The following DEPDC4 variants were observed in gnomAD, a reference collection of about 807,000 sequenced individuals.
DEPDC4 encodes the protein DEP domain-containing protein 4.
Under a neutral mutation model 52.0 loss-of-function variants are expected in DEPDC4, and 52 were observed. That is an observed-to-expected ratio of 1.00 (90% confidence interval 0.80 to 1.26). DEPDC4 has a LOEUF of 1.26. Among genes scored for constraint, DEPDC4 ranks in the 50% most tolerant of loss-of-function variants. DEPDC4 has a pLI of 0.00. For synonymous variants in DEPDC4, 201 were observed against 196.8 expected, an observed-to-expected ratio of 1.02 and a Z score of -0.18; for missense variants, 530 against 546.9, an observed-to-expected ratio of 0.97 and a Z score of 0.31.
chr12:100,253,790 A>C, intron 4 of DEPDC4, 75 bp from the exon 5 acceptor site: 1 of 837,332 alleles, frequency 1.2e-6, no homozygotes, highest in South Asian at 1.7e-5. Flanking sequence ...TTGATAAAAC[A>C]TGAAAAAATC....
the DEPDC4 span, among the ~76,000 whole-genome samples, chr12:100,277,523 C>G: frequency 1.3e-5 from 2 of 152,162 alleles, no homozygotes; most frequent in African/African-American, 4.8e-5. Flanking sequence ...TCTTTGTCTT[C>G]AAGCTTATTC....
intron 5 of DEPDC4, 116 bp downstream of exon 5, chr12:100,253,373 A>G (rs2096217029): frequency 2.6e-6 from 1 of 383,556 alleles, no homozygotes; most frequent in African/African-American, 2.1e-5. Flanking sequence ...TTGACATCAT[A>G]GAAGAAAAAT....
At chr12:100,258,499 T>C (rs1411706298) in intron 3 of DEPDC4, among the ~76,000 whole-genome samples, 1 of 152,196 alleles carries the variant, frequency 6.6e-6, no homozygotes, top group Admixed American at 6.5e-5. Flanking sequence ...CCTTAAAGTA[T>C]ATTACTTTAG....
intron 2 of DEPDC4, 137 bp downstream of exon 2, chr12:100,263,360 A>G (rs953416867): frequency 3.9e-5 from 26 of 672,290 alleles, no homozygotes; most frequent in African/African-American, 2.7e-4. Flanking sequence ...GAGGAAATGC[A>G]TAAGTGGATT....
chr12:100,267,249 G>T, upstream of DEPDC4: 2 of 661,072 alleles, frequency 3.0e-6, no homozygotes, highest in South Asian at 4.3e-5. Flanking sequence ...TAGCTCCGAC[G>T]TTTGCGGCCG....
chr12:100,248,634 G>A (rs2153907196), intron 8 of DEPDC4, among the ~76,000 whole-genome samples: 1 of 152,234 alleles, frequency 6.6e-6, no homozygotes, highest in South Asian at 2.1e-4. Context: ...GCAGGCATGT[G>A]GGTGATAATT....
At chr12:100,246,654 A>C (rs561374890) in intron 8 of DEPDC4, among the ~76,000 whole-genome samples, 25 of 152,306 alleles carry the variant, frequency 1.6e-4, no homozygotes, top group Non-Finnish European at 2.8e-4. Context: ...TCAAGTAATC[A>C]GGCCAGGCAC....
Position 100,250,109 on chromosome 12 carries a change from C to CAACT in DEPDC4, c.1375-1135_1375-1132dup, listed in dbSNP as rs1015403324. On this transcript the variant is annotated intron_variant, in intron 7 of 9. Coordinates refer to ENST00000550587, the MANE Select transcript of DEPDC4 (RefSeq NM_001364818.2). ...GTATCAGCCTCTAATCTCTAGAAAC[C>CAACT]AACTATCAGGGCCCTTCTCCCTGCT... Among the ~76,000 whole-genome samples the CAACT allele has an allele frequency of 2.3e-4, 35 of 152,254 alleles. 1 individual carries two copies. Among genetic ancestry groups the CAACT allele is most frequent in the Admixed American group, 1.4e-3 (22 of 15,274 alleles).
At chr12:100,246,123 G>GTTT (rs34475855) in intron 8 of DEPDC4, among the ~76,000 whole-genome samples, 1 of 135,410 alleles carries the variant, frequency 7.4e-6, no homozygotes, top group African/African-American at 2.7e-5. Context: ...CTACGCCTGG[G>GTTT]TTTTTTTTTT....
At chr12:100,242,431 C>G (rs906233623) in intron 9 of DEPDC4, 55 bp downstream of exon 9, 1 of 151,244 alleles carries the variant, frequency 6.6e-6, no homozygotes, top group Non-Finnish European at 1.5e-5. Flanking sequence ...ACTCAACTCT[C>G]TACTCGGAAT....
Position 100,267,015 on chromosome 12 carries a change from C to G in DEPDC4, c.62G>C (p.Arg21Pro), listed in dbSNP as rs189364541. Residue 21 changes from arginine (R) to proline (P), a missense_variant, in exon 1 of 10, where the codon CGT (arginine) becomes CCT (proline). Transcript: ENST00000550587. ...AAGCTCGTTCTGACTGACAAGTCTA[C>G]GGAACCTCGGAGTCAAAAGAACCGC... ...LMAVLLTPRF[R>P]RLVSQNELPG... The G allele has an allele frequency of 7.4e-6, 12 of 1,614,016 alleles. No homozygotes were observed. The highest frequency in any genetic ancestry group is 1.0e-5 in the Non-Finnish European group (12 of 1,179,942).
chr12:100,255,272 G>C (rs1487309664), intron 4 of DEPDC4, among the ~76,000 whole-genome samples: 2 of 152,194 alleles, frequency 1.3e-5, no homozygotes, highest in African/African-American at 2.4e-5. Flanking sequence ...CCTGACTCAA[G>C]GGCAGGAAGA....
At chr12:100,264,959 G>T (rs551481351) in intron 1 of DEPDC4, among the ~76,000 whole-genome samples, 1 of 151,188 alleles carries the variant, frequency 6.6e-6, no homozygotes, top group South Asian at 2.1e-4. Context: ...TGGGCAAAAA[G>T]AAAAAAAAAT....
chr12:100,276,033 G>A, the DEPDC4 span, among the ~76,000 whole-genome samples: 1 of 152,060 alleles, frequency 6.6e-6, no homozygotes, highest in African/African-American at 2.4e-5. Context: ...TTTGGTCGTG[G>A]GGTTGGATGT....
At chr12:100,238,720 C>G (rs1365233388), downstream of DEPDC4, among the ~76,000 whole-genome samples, 2 of 151,822 alleles carry the variant, frequency 1.3e-5, no homozygotes, top group African/African-American at 4.8e-5. Flanking sequence ...CTCGTGGGCT[C>G]AAGGCATCTA....
intron 9 of DEPDC4, among the ~76,000 whole-genome samples, chr12:100,233,223 C>T (rs1262129906): frequency 2.6e-5 from 4 of 152,128 alleles, no homozygotes; most frequent in African/African-American, 9.7e-5. Context: ...CTCTCAACTC[C>T]TCATCTTTCT....
At chr12:100,273,356 A>G in the DEPDC4 span, among the ~76,000 whole-genome samples, 1 of 152,118 alleles carries the variant, frequency 6.6e-6, no homozygotes, top group Non-Finnish European at 1.5e-5. Flanking sequence ...TTCCTATAAC[A>G]CTGTGCATGT....
chr12:100,234,828 T>A (rs977071444), intron 9 of DEPDC4, among the ~76,000 whole-genome samples: 1 of 152,212 alleles, frequency 6.6e-6, no homozygotes, highest in Non-Finnish European at 1.5e-5. Context: ...TAGCCTAACA[T>A]TGAATGATGA....
chr12:100,241,525 CCT>C lies in DEPDC4; in HGVS notation c.*365_*366del, dbSNP rs1231839333. The C allele has an allele frequency of 6.5e-6, 3 of 461,718 alleles. No individual in the cohort carries two copies. The highest frequency in any genetic ancestry group is 1.1e-4 in the East Asian group (1 of 8,772). The allele number at this position is 461,718 out of a possible 1,614,324, so 28.6% of individuals were successfully genotyped here. On this transcript the variant is annotated 3_prime_UTR_variant, in exon 10 of 10. Coordinates refer to ENST00000550587, the MANE Select transcript of DEPDC4 (RefSeq NM_001364818.2). ...CCAGCCTGGGCAACATAATAGGACC[CCT>C]GTCTCTACAAAATAAAAATAAAAAA...
Sources: gnomAD v4.1 joint callset for allele counts (sites outside exome capture counted in the v4.1 genomes callset) on GRCh38, gnomAD v4.1.1 for gene constraint, MANE v1.5 for transcripts, NCBI Gene and HGNC (gene_info 2026-07-23, HGNC 2026-07-21) for gene names.